Variants in DDX10 observed in about 807,000 individuals in gnomAD.
DDX10 encodes probable ATP-dependent RNA helicase DDX10.
Under a neutral mutation model 104.3 loss-of-function variants are expected in DDX10, and 74 were observed. The observed-to-expected ratio is 0.71, with a 90% CI of 0.59 to 0.86. The LOEUF is 0.86. DDX10 is among the 40% of genes least tolerant of loss of function. The pLI, the probability that DDX10 is intolerant of heterozygous loss-of-function variation, is 0.00. For synonymous variants in DDX10, 351 were observed against 353.4 expected (o/e 0.99, Z 0.08); for missense variants, 952 against 1,040.0 (o/e 0.92, Z 1.16).
At chr11:108,740,292 T>C (rs1298348728) in intron 13 of DDX10, among the ~76,000 whole-genome samples, 1 of 152,204 alleles carries the variant, frequency 6.6e-6, no homozygotes, top group African/African-American at 2.4e-5. Flanking sequence ...GCTCCATCCA[T>C]GTTGCTACAA....
chr11:108,846,691 G>A (rs1862722336), intron 15 of DDX10, among the ~76,000 whole-genome samples: 1 of 152,182 alleles, frequency 6.6e-6, no homozygotes, highest in Non-Finnish European at 1.5e-5. Context: ...GGGCACTTCA[G>A]TTTTTCCACA....
At chr11:108,896,162 C>G (rs1208307490) in intron 16 of DDX10, among the ~76,000 whole-genome samples, 1 of 152,116 alleles carries the variant, frequency 6.6e-6, no homozygotes, top group Non-Finnish European at 1.5e-5. Context: ...TTACATACAT[C>G]TACTATGAAT....
chr11:108,766,045 T>A (rs960680640), intron 13 of DDX10, among the ~76,000 whole-genome samples: 1 of 152,224 alleles, frequency 6.6e-6, no homozygotes, highest in Admixed American at 6.5e-5. Flanking sequence ...GTTTTACTTT[T>A]AAAAATGATT....
intron 13 of DDX10, among the ~76,000 whole-genome samples, chr11:108,836,767 G>T (rs1862561120): frequency 6.6e-6 from 1 of 152,120 alleles, no homozygotes; most frequent in Non-Finnish European, 1.5e-5. Context: ...GGGATTATAG[G>T]TGTGATTCAC....
At chr11:108,688,747 T>C (rs936425413) in intron 6 of DDX10, among the ~76,000 whole-genome samples, 189 bp from the exon 7 acceptor site, 2 of 152,242 alleles carry the variant, frequency 1.3e-5, no homozygotes, top group African/African-American at 4.8e-5. Flanking sequence ...GGATTTTGAA[T>C]GTGTTTTAAA....
chr11:108,886,877 A>G (rs965284902), intron 16 of DDX10, among the ~76,000 whole-genome samples: 1 of 152,242 alleles, frequency 6.6e-6, no homozygotes, highest in Non-Finnish European at 1.5e-5. Context: ...AACTGGTTTC[A>G]TCAGGCGAAA....
intron 13 of DDX10, among the ~76,000 whole-genome samples, chr11:108,799,599 G>C (rs897740797): frequency 6.6e-6 from 1 of 152,180 alleles, no homozygotes; most frequent in Non-Finnish European, 1.5e-5. Context: ...TTCAATGGTT[G>C]CTTTAGGGCA....
intron 13 of DDX10, among the ~76,000 whole-genome samples, chr11:108,762,515 TAAG>T (rs2094351938): frequency 6.6e-6 from 1 of 152,148 alleles, no homozygotes; most frequent in Non-Finnish European, 1.5e-5. Flanking sequence ...CCAAAAAACC[TAAG>T]AAGGAGTTCC....
At chr11:108,828,338 G>T (rs915758552) in intron 13 of DDX10, among the ~76,000 whole-genome samples, 1 of 152,044 alleles carries the variant, frequency 6.6e-6, no homozygotes, top group African/African-American at 2.4e-5. Flanking sequence ...AAAGTCCAAT[G>T]TATAATTCTT....
At chr11:108,813,778 G>T (rs1862219004) in intron 13 of DDX10, among the ~76,000 whole-genome samples, 1 of 152,054 alleles carries the variant, frequency 6.6e-6, no homozygotes, top group Admixed American at 6.6e-5. Flanking sequence ...GCTTTATTTT[G>T]TTCTATATAA....
intron 13 of DDX10, among the ~76,000 whole-genome samples, chr11:108,834,650 G>C (rs1862523533): frequency 1.3e-5 from 2 of 152,000 alleles, no homozygotes; most frequent in Admixed American, 1.3e-4. Context: ...TATACTGTCT[G>C]ATCAGCATTG....
intron 10 of DDX10, among the ~76,000 whole-genome samples, chr11:108,710,655 C>T (rs2094283138): frequency 6.6e-6 from 1 of 152,078 alleles, no homozygotes; most frequent in South Asian, 2.1e-4. Flanking sequence ...AAGGAAAATA[C>T]TGTAAAATAA....
At chr11:108,748,872 A>C (rs1194303758) in intron 13 of DDX10, among the ~76,000 whole-genome samples, 1 of 151,910 alleles carries the variant, frequency 6.6e-6, no homozygotes, top group African/African-American at 2.4e-5. Flanking sequence ...TTAATTTACT[A>C]TTTTTAAATT....
intron 11 of DDX10, among the ~76,000 whole-genome samples, chr11:108,716,208 G>A (rs1036270128): frequency 6.6e-6 from 1 of 151,986 alleles, no homozygotes; most frequent in African/African-American, 2.4e-5. Flanking sequence ...TGATTCTTGT[G>A]CCTCAGCCTC....
chr11:108,940,275 A>C lies in DDX10; in HGVS notation c.2480A>C (p.Lys827Thr), dbSNP rs1565325061. 2 of 1,614,054 alleles carry C rather than the reference A, an allele frequency of 1.2e-6. No individual in the cohort carries two copies. The highest frequency in any genetic ancestry group is 1.7e-5 in the Admixed American group (1 of 60,008). The change falls in exon 18 of 18, where the codon AAG (lysine) becomes ACG (threonine). Residue 827 changes from lysine to threonine, a missense_variant. By Grantham distance (78) the Lys-to-Thr change is moderately conservative (BLOSUM62 -1). Around this residue, in one of 3 missense-constraint regions of DDX10, gnomAD observed 533 missense variants for 534.1 expected, o/e 1.00. Coordinates refer to ENST00000322536, the MANE Select transcript of DDX10 (RefSeq NM_004398.4). ...SDTKKKQGMK[K>T]RSNSEVEDVG... The stretch of plus-strand genomic sequence containing the variant: ...ACCAAGAAGAAGCAGGGGATGAAGA[A>C]GAGGAGCAACAGTGAAGTGGAAGAC...
At chr11:108,752,412 G>A (rs1186993770) in intron 13 of DDX10, among the ~76,000 whole-genome samples, 1 of 152,102 alleles carries the variant, frequency 6.6e-6, no homozygotes, top group Non-Finnish European at 1.5e-5. Flanking sequence ...GATGAATTGG[G>A]TGGAGGTGGC....
At chr11:108,848,619 C>G (rs1003730350) in intron 15 of DDX10, among the ~76,000 whole-genome samples, 1 of 152,114 alleles carries the variant, frequency 6.6e-6, no homozygotes, top group African/African-American at 2.4e-5. Flanking sequence ...CTTATAACAT[C>G]TAGTGACATT....
intron 16 of DDX10, among the ~76,000 whole-genome samples, chr11:108,907,482 C>A (rs1863612811): frequency 6.6e-6 from 1 of 152,010 alleles, no homozygotes; most frequent in South Asian, 2.1e-4. Context: ...ATTACAGGTG[C>A]CCACTACCAT....
At position 108,938,359 on chromosome 11, in the gene DDX10, A is replaced by G. The variant is rs540055888; in HGVS notation, c.2451-1887A>G. Among the ~76,000 whole-genome samples the G allele has an allele frequency of 2.6e-5, 4 of 151,562 alleles. No individual in the cohort carries two copies. The South Asian group carries it at 6.2e-4, about 24-fold the overall frequency. ...CTACCTTTTATTATCCAAACCACCT[A>G]TTTCCTGCAGGGCATGTAATGTGCA... is the stretch of plus-strand genomic sequence containing the variant. On this transcript the variant is annotated intron_variant, in intron 17 of 17. Transcript: ENST00000322536.
Sources: gnomAD v4.1 joint callset for allele counts (sites outside exome capture counted in the v4.1 genomes callset) on GRCh38, gnomAD v4.1.1 for gene constraint, gnomAD v4.1.1 regional missense constraint, MANE v1.5 for transcripts, NCBI Gene and HGNC (gene_info 2026-07-23, HGNC 2026-07-21) for gene names.